Variants in CFAP54 observed in about 807,000 individuals in gnomAD.
The protein encoded by CFAP54 is cilia and flagella associated protein 54, also known as cilia- and flagella-associated protein 54.
A neutral mutation model predicts 370.4 loss-of-function variants in CFAP54; 290 were observed. The ratio of observed to expected loss-of-function variants is 0.78; its 90% CI spans 0.71 to 0.86. The LOEUF (loss-of-function observed/expected upper bound fraction) is 0.86. Ranked by LOEUF, CFAP54 falls within the 40% of genes least tolerant of loss-of-function variation. The probability of loss-of-function intolerance (pLI) is 0.00; values close to 1 mark genes in which losing one functional copy is unlikely to be tolerated. For missense variants in CFAP54, 3,399 were observed against 3,528.7 expected (o/e 0.96, Z 0.93); for synonymous variants, 1,206 against 1,236.5 (o/e 0.98, Z 0.52).
chr12:96,619,825 C>G (rs1296822260), intron 26 of CFAP54, among the ~76,000 whole-genome samples: 2 of 152,030 alleles, frequency 1.3e-5, no homozygotes, highest in East Asian at 1.9e-4. Flanking sequence ...GGAAAACTTT[C>G]TTCTGCTCAT....
At chr12:96,715,755 A>G (rs952788870) in intron 48 of CFAP54, among the ~76,000 whole-genome samples, 1 of 152,168 alleles carries the variant, frequency 6.6e-6, no homozygotes, top group Admixed American at 6.5e-5. Context: ...TGGCTTTTTC[A>G]TTGGAATTCG....
At chr12:96,564,583 C>A in intron 18 of CFAP54, 29 bp downstream of exon 18, 1 of 667,216 alleles carries the variant, frequency 1.5e-6, no homozygotes, top group South Asian at 1.7e-5. Context: ...ACTGGTATTT[C>A]CAAAAAATTT....
At chr12:96,755,696 C>G (rs1338301611) in intron 56 of CFAP54, among the ~76,000 whole-genome samples, 1 of 137,480 alleles carries the variant, frequency 7.3e-6, no homozygotes, top group Admixed American at 8.2e-5. Context: ...GAGACTAAGT[C>G]TCACTCTGTC....
intron 47 of CFAP54, among the ~76,000 whole-genome samples, chr12:96,705,085 C>G (rs1957533102): frequency 6.6e-6 from 1 of 152,138 alleles, no homozygotes; most frequent in Admixed American, 6.5e-5. Context: ...GGCAGTCTAT[C>G]TCTCCTAGAA....
chr12:96,791,099 G>T (rs1373927716), intron 62 of CFAP54, among the ~76,000 whole-genome samples: 1 of 152,022 alleles, frequency 6.6e-6, no homozygotes, highest in Non-Finnish European at 1.5e-5. Flanking sequence ...CTGAAGTAGA[G>T]GGACCAATTC....
Position 96,544,164 on chromosome 12 carries a change from A to G in CFAP54, c.2077+3177A>G, listed in dbSNP as rs553113440. Reference sequence around the variant, plus strand: ...ACATAAACCATCAATGAACACATATATTTTGTATGTTTTATATATATATAT... The same window carrying G: ...ACATAAACCATCAATGAACACATATGTTTTGTATGTTTTATATATATATAT... On this transcript the variant is annotated intron_variant, in intron 14 of 67. Coordinates refer to ENST00000524981, the MANE Select transcript of CFAP54 (RefSeq NM_001306084.2). Among the ~76,000 whole-genome samples, 3 of 147,740 alleles carry G rather than the reference A, an allele frequency of 2.0e-5. No individual in the cohort carries two copies. The East Asian group carries it at 6.9e-4, about 34-fold the overall frequency.
intron 32 of CFAP54, among the ~76,000 whole-genome samples, chr12:96,631,749 A>T (rs1956610989): frequency 6.7e-6 from 1 of 149,592 alleles, no homozygotes; most frequent in Non-Finnish European, 1.5e-5. Flanking sequence ...TTGTATAATA[A>T]ATTTTTTAAA....
Position 96,693,738 on chromosome 12 carries a change from C to CATTG in CFAP54, c.6282_6285dup (p.Tyr2096IlefsTer35). On this transcript the variant is annotated frameshift_variant, in exon 45 of 68. Coordinates refer to ENST00000524981, the MANE Select transcript of CFAP54 (RefSeq NM_001306084.2). LOFTEE classifies it high-confidence loss of function. ...TCCTGATAGGTTCTGCCTCTCCTTGCATTGTATCAATATTTTGTTTCTGGA... is the reference window on the plus strand; with the variant it reads ...TCCTGATAGGTTCTGCCTCTCCTTGCATTGATTGTATCAATATTTTGTTTCTGGA... The CATTG allele has an allele frequency of 6.3e-7, 1 of 1,592,384 alleles. No individual in the cohort carries two copies. The highest frequency in any genetic ancestry group is 8.6e-7 in the Non-Finnish European group (1 of 1,162,948).
At chr12:96,666,917 C>A (rs1957087551) in intron 39 of CFAP54, among the ~76,000 whole-genome samples, 1 of 152,198 alleles carries the variant, frequency 6.6e-6, no homozygotes, top group South Asian at 2.1e-4. Flanking sequence ...GCCTATGAGC[C>A]TGTAAAATCA....
At position 96,690,001 on chromosome 12, in the gene CFAP54, C is replaced by T. The variant is rs1279307695; in HGVS notation, c.6081+1019C>T. On this transcript the variant is annotated intron_variant, in intron 43 of 67. Transcript: ENST00000524981. The stretch of plus-strand genomic sequence containing the variant: ...GCCTGGGCTTCAAAGGGAAGAAGTA[C>T]AGGAGGCAAGGGTGTAAAGGAAATG... Among the ~76,000 whole-genome samples, 3 of 152,136 alleles carry T rather than the reference C, an allele frequency of 2.0e-5. No homozygotes were observed. The East Asian group carries it at 5.8e-4, about 29-fold the overall frequency.
intron 19 of CFAP54, among the ~76,000 whole-genome samples, chr12:96,576,273 A>C (rs1401237968): frequency 1.3e-5 from 2 of 151,976 alleles, no homozygotes; most frequent in African/African-American, 4.8e-5. Flanking sequence ...AGGGAAAATG[A>C]AATGTGGTAG....
At chr12:96,539,195 C>T (rs1007950733) in intron 13 of CFAP54, among the ~76,000 whole-genome samples, 6 of 150,222 alleles carry the variant, frequency 4.0e-5, no homozygotes, top group East Asian at 2.0e-4. Flanking sequence ...GGAGTAGCTG[C>T]GATTACGGGC....
intron 40 of CFAP54, among the ~76,000 whole-genome samples, chr12:96,684,352 C>T (rs1461644751): frequency 6.6e-6 from 1 of 152,182 alleles, no homozygotes; most frequent in Non-Finnish European, 1.5e-5. Context: ...GCCATTCTCC[C>T]TTGCATGCCG....
At chr12:96,710,298 T>C (rs1252559060) in intron 48 of CFAP54, among the ~76,000 whole-genome samples, 1 of 152,212 alleles carries the variant, frequency 6.6e-6, no homozygotes, top group Non-Finnish European at 1.5e-5. Flanking sequence ...AGAGCTTGGC[T>C]GCGTCTCAGG....
At chr12:96,836,600 C>G (rs1959186857) in intron 66 of CFAP54, among the ~76,000 whole-genome samples, 2 of 152,194 alleles carry the variant, frequency 1.3e-5, no homozygotes, top group South Asian at 4.1e-4. Context: ...CTCCTTTACT[C>G]TGAAAAACAT....
At position 96,587,615 on chromosome 12, in the gene CFAP54, A is replaced by G. The variant is rs564327566; in HGVS notation, c.3076-1812A>G. On this transcript the variant is annotated intron_variant, in intron 22 of 67. Coordinates refer to ENST00000524981, the MANE Select transcript of CFAP54 (RefSeq NM_001306084.2). The stretch of plus-strand genomic sequence containing the variant: ...TCATGATTTTATAAACCTTAATTTT[A>G]ATCACGGTATCTTTTCCTGTTTTGC... 3.7e-4 allele frequency among the ~76,000 whole-genome samples: 57 copies of G among 152,304 alleles called. 1 individual carries two copies. The highest frequency in any genetic ancestry group is 1.3e-3 in the African/African-American group (54 of 41,572).
intron 14 of CFAP54, among the ~76,000 whole-genome samples, chr12:96,542,038 A>T (rs138909641): frequency 1.3e-5 from 2 of 151,882 alleles, no homozygotes; most frequent in African/African-American, 4.8e-5. Context: ...ACTATATTTC[A>T]TGGGGTGGGG....
intron 63 of CFAP54, among the ~76,000 whole-genome samples, chr12:96,807,018 G>T (rs1490564828): frequency 6.6e-6 from 1 of 152,140 alleles, no homozygotes; most frequent in Non-Finnish European, 1.5e-5. Flanking sequence ...TGAAGCACTG[G>T]TCTGTGCCGT....
chr12:96,600,125 G>C (rs1956223532), intron 26 of CFAP54, among the ~76,000 whole-genome samples: 1 of 152,070 alleles, frequency 6.6e-6, no homozygotes, highest in African/African-American at 2.4e-5. Flanking sequence ...GGTTTTTATG[G>C]TTTCAGGTCT....
Sources: allele counts gnomAD v4.1 joint callset (sites outside exome capture counted in the v4.1 genomes callset), GRCh38; gene constraint gnomAD v4.1.1; transcripts MANE v1.5; gene names NCBI Gene and HGNC (gene_info 2026-07-23, HGNC 2026-07-21).